Variants in POLR2F observed in about 807,000 individuals in gnomAD.
The protein encoded by POLR2F is DNA-directed RNA polymerases I, II, and III subunit RPABC2.
In POLR2F, 12 loss-of-function variants were observed where a neutral mutation model predicts 22.7. The observed-to-expected ratio is 0.53, with a 90% CI of 0.34 to 0.86. The LOEUF (loss-of-function observed/expected upper bound fraction) is 0.86. Among genes scored for constraint, POLR2F ranks in the 40% least tolerant of loss-of-function variants. POLR2F has a pLI of 0.02. For synonymous variants in POLR2F, 57 were observed against 66.0 expected (o/e 0.86, Z 0.66); for missense variants, 126 against 171.5 (o/e 0.73, Z 1.48).
intron 3 of POLR2F, among the ~76,000 whole-genome samples, chr22:37,963,962 T>C (rs1172618740): frequency 6.6e-6 from 1 of 151,352 alleles, no homozygotes; most frequent in African/African-American, 2.4e-5. Flanking sequence ...ATTAGCCGGG[T>C]GTGGTGGCGC....
chr22:37,972,094 G>C, downstream of POLR2F: 1 of 282,220 alleles, frequency 3.5e-6, no homozygotes, highest in Non-Finnish European at 6.8e-6. Flanking sequence ...GGGGAGGGGG[G>C]AGAGAGAGAG....
rs1374863010 is a variant in POLR2F at position 37,969,024 on chromosome 22, G to A, written c.*1309G>A. The A allele has an allele frequency of 7.1e-6, 7 of 985,346 alleles. No individual in the cohort carries two copies. Among genetic ancestry groups the A allele is most frequent in the South Asian group, 9.4e-5 (2 of 21,286 alleles). 61.0% of individuals were successfully genotyped at this position (985,346 alleles called of 1,614,324 possible). A position where few individuals can be genotyped will look rare whatever the true frequency, so the allele number is the denominator to read the frequency against. On this transcript the variant is annotated 3_prime_UTR_variant, in exon 5 of 5. Coordinates refer to ENST00000442738, the MANE Select transcript of POLR2F (RefSeq NM_021974.5). Reference sequence around the variant, plus strand: ...CCTTTGTGCTGGCATCCAGGCAGCCGCCCCAGAGTGCGGGGGTCACTTTCT... The same window carrying A: ...CCTTTGTGCTGGCATCCAGGCAGCCACCCCAGAGTGCGGGGGTCACTTTCT...
intron 1 of POLR2F, among the ~76,000 whole-genome samples, chr22:38,020,961 G>A (rs1458539848): frequency 6.6e-6 from 1 of 152,212 alleles, no homozygotes; most frequent in Non-Finnish European, 1.5e-5. Context: ...ACACTTGTGT[G>A]TGCTGCCTGG....
In POLR2F at chr22:38,016,872, G is replaced by A. The variant is rs1456105540; in HGVS notation, c.121-8997G>A. ...TACAAGCTGGGGAGGGAAGAGGAGGGCAGAAAAGAAAGAGCAGAGCAAGGG... is the reference window on the plus strand; with the variant it reads ...TACAAGCTGGGGAGGGAAGAGGAGGACAGAAAAGAAAGAGCAGAGCAAGGG... On this transcript the variant is annotated intron_variant, in intron 1 of 2. Coordinates refer to the POLR2F transcript ENST00000333418. This position sits in a 1 kb window ranked among gnomAD's most constrained non-coding sequence, Gnocchi z 4.4. Among the ~76,000 whole-genome samples the A allele has an allele frequency of 6.6e-6, 1 of 152,086 alleles. No homozygotes were observed. Among genetic ancestry groups the A allele is most frequent in the Non-Finnish European group, 1.5e-5 (1 of 67,974 alleles).
At chr22:37,983,511 C>G (rs142113652), upstream of POLR2F, 254 of 1,610,164 alleles carry the variant, frequency 1.6e-4, no homozygotes, top group Non-Finnish European at 2.1e-4. This position sits in a 1 kb window ranked among gnomAD's most constrained non-coding sequence, Gnocchi z 9.5. Flanking sequence ...TTGACGCGCA[C>G]GGGCATGGGC....
chr22:38,002,400 A>G lies in POLR2F; in HGVS notation c.120+16088A>G, dbSNP rs541827654. ...GGTACATTTCAACATGCTTGATGCA[A>G]TGTGGGGTCAGTGGGACCCACAAGA... On this transcript the variant is annotated intron_variant, in intron 1 of 2. Transcript: ENST00000333418. 3.9e-5 allele frequency among the ~76,000 whole-genome samples: 6 copies of G among 152,256 alleles called. No homozygotes were observed. The South Asian group carries it at 8.3e-4, about 21-fold the overall frequency.
chr22:38,005,227 C>T lies in POLR2F; in HGVS notation c.120+18915C>T, dbSNP rs191038322. Among the ~76,000 whole-genome samples the T allele has an allele frequency of 2.6e-3, 389 of 152,218 alleles. 1 individual carries two copies. Among genetic ancestry groups the T allele is most frequent in the Non-Finnish European group, 4.4e-3 (297 of 67,984 alleles). ...GGGTGTTATTACCACCTATTTCCAA[C>T]GTCCTTCACTCCAGCCTCCCGAGTA... On this transcript the variant is annotated intron_variant, in intron 1 of 2. Transcript: ENST00000333418.
intron 1 of POLR2F, among the ~76,000 whole-genome samples, chr22:38,002,148 CCTT>C (rs1312641299): frequency 1.3e-5 from 2 of 150,878 alleles, no homozygotes; most frequent in African/African-American, 4.9e-5. Context: ...GCACACCTGG[CCTT>C]TTTTTTTTTT....
intron 1 of POLR2F, among the ~76,000 whole-genome samples, chr22:38,000,206 G>C (rs564743889): frequency 6.6e-6 from 1 of 152,204 alleles, no homozygotes; most frequent in Non-Finnish European, 1.5e-5. Flanking sequence ...GGCCACCTGC[G>C]CCCCCACGGT....
Position 38,018,018 on chromosome 22 carries a change from G to A in POLR2F, c.121-7851G>A, listed in dbSNP as rs1370327238. Among the ~76,000 whole-genome samples, 3 of 152,228 alleles carry A rather than the reference G, an allele frequency of 2.0e-5. No individual in the cohort carries two copies. The East Asian group carries it at 5.8e-4, about 29-fold the overall frequency. On this transcript the variant is annotated intron_variant, in intron 1 of 2. Coordinates refer to the POLR2F transcript ENST00000333418. ...GTGGAACGTTATCCAGATCCTCCTGGGCTTCAGCTAGGAATTTCTGTCCTG... is the reference window on the plus strand; with the variant it reads ...GTGGAACGTTATCCAGATCCTCCTGAGCTTCAGCTAGGAATTTCTGTCCTG...
At chr22:38,030,480 T>A (rs1365469112), downstream of POLR2F, among the ~76,000 whole-genome samples, 2 of 152,170 alleles carry the variant, frequency 1.3e-5, no homozygotes, top group African/African-American at 4.8e-5. Context: ...GTGCGCTGAC[T>A]CCAGCGCACT....
Position 38,025,726 on chromosome 22 carries a change from G to A in POLR2F, c.121-143G>A, listed in dbSNP as rs369498550. Reference sequence around the variant, plus strand: ...ACCCCATTGTACAGATGCATAAACTGAGCCCAGGTTGCTGATGGTCTCACC... The same window carrying A: ...ACCCCATTGTACAGATGCATAAACTAAGCCCAGGTTGCTGATGGTCTCACC... On this transcript the variant is annotated intron_variant, in intron 1 of 2. Transcript: ENST00000333418. The A allele has an allele frequency of 8.5e-6, 13 of 1,528,112 alleles. No homozygotes were observed. The African/African-American group carries it at 1.8e-4, about 21-fold the overall frequency. The allele number at this position is 1,528,112 out of a possible 1,614,324, so 94.7% of individuals were successfully genotyped here.
chr22:38,029,884 T>C (rs185070261), downstream of POLR2F, among the ~76,000 whole-genome samples: 222 of 152,294 alleles, frequency 1.5e-3, no homozygotes, highest in South Asian at 3.9e-3. Context: ...CCAAGAAACA[T>C]TGATTGAACA....
At chr22:38,022,287 C>T (rs1003977882) in intron 1 of POLR2F, among the ~76,000 whole-genome samples, 1 of 151,682 alleles carries the variant, frequency 6.6e-6, no homozygotes, top group Non-Finnish European at 1.5e-5. Flanking sequence ...CATGGTGGCT[C>T]ACACCTGTAA....
At chr22:38,024,746 G>A (rs535268477) in intron 1 of POLR2F, among the ~76,000 whole-genome samples, 3 of 152,256 alleles carry the variant, frequency 2.0e-5, no homozygotes, top group East Asian at 1.9e-4. Flanking sequence ...TGGTCTGGCC[G>A]AAGTGCAGGG....
At chr22:37,995,740 A>G (rs931559432) in intron 1 of POLR2F, among the ~76,000 whole-genome samples, 5 of 151,998 alleles carry the variant, frequency 3.3e-5, no homozygotes, top group African/African-American at 1.2e-4. Flanking sequence ...TATGAGGCTA[A>G]GGCTGGTGGA....
intron 1 of POLR2F, among the ~76,000 whole-genome samples, chr22:37,989,030 G>A (rs1932665415): frequency 6.6e-6 from 1 of 152,102 alleles, no homozygotes; most frequent in East Asian, 1.9e-4. Context: ...AGTGCGCTGG[G>A]GTGGCTGTGG....
intron 1 of POLR2F, among the ~76,000 whole-genome samples, chr22:38,009,641 C>G (rs943347694): frequency 6.6e-6 from 1 of 152,092 alleles, no homozygotes; most frequent in Non-Finnish European, 1.5e-5. Flanking sequence ...TCTACCGTCC[C>G]CAAACTTTCC....
At position 37,974,480 on chromosome 22, in the gene POLR2F, G is replaced by A. The variant is rs999053421; in HGVS notation, c.293+7310G>A. On this transcript the variant is annotated intron_variant, in intron 4 of 4. Coordinates refer to the POLR2F transcript ENST00000405557. This position sits in a 1 kb window ranked among gnomAD's most constrained non-coding sequence, Gnocchi z 5.4. ...TGATTCTCCTGCCTCAGCCTCCTGA[G>A]TAGCTGGAATTACAAGCGCCCACCA... 6.6e-6 allele frequency among the ~76,000 whole-genome samples: 1 copy of A among 151,896 alleles called. No individual in the cohort carries two copies. Among genetic ancestry groups the A allele is most frequent in the Non-Finnish European group, 1.5e-5 (1 of 67,982 alleles).
Sources: gnomAD v4.1 joint callset for allele counts (sites outside exome capture counted in the v4.1 genomes callset) on GRCh38, gnomAD v4.1.1 for gene constraint, Gnocchi (gnomAD v3.1) non-coding constraint, MANE v1.5 for transcripts, NCBI Gene and HGNC (gene_info 2026-07-23, HGNC 2026-07-21) for gene names.